Variants in SNX24 observed in about 807,000 individuals in gnomAD.
The protein encoded by SNX24 is sorting nexin 24, also known as sorting nexin-24.
SNX24 carries 22 observed loss-of-function variants against 28.7 expected under a neutral mutation model. The ratio of observed to expected loss-of-function variants is 0.77; its 90% CI spans 0.55 to 1.10. The LOEUF (loss-of-function observed/expected upper bound fraction) is 1.10. SNX24 is among the 50% of genes least tolerant of loss of function. SNX24 has a pLI of 0.00. For missense variants in SNX24, 221 were observed against 201.1 expected, an observed-to-expected ratio of 1.10 and a Z score of -0.60; for synonymous variants, 69 against 71.5, an observed-to-expected ratio of 0.96 and a Z score of 0.18.
At chr5:122,976,717 T>A (rs1388948247) in intron 3 of SNX24, among the ~76,000 whole-genome samples, 1 of 152,190 alleles carries the variant, frequency 6.6e-6, no homozygotes, top group East Asian at 1.9e-4. Context: ...TGAGCAAAGA[T>A]TACACTGCTG....
chr5:122,920,574 G>A (rs1758388695), intron 1 of SNX24, among the ~76,000 whole-genome samples: 1 of 152,154 alleles, frequency 6.6e-6, no homozygotes. Flanking sequence ...ACATGACAAA[G>A]CAATACACAG....
chr5:122,845,777 C>T lies in SNX24; in HGVS notation c.60+84C>T, dbSNP rs532227575. On this transcript the variant is annotated intron_variant, in intron 1 of 6. Coordinates refer to ENST00000261369, the MANE Select transcript of SNX24 (RefSeq NM_014035.4). ...CAGGAAACACCCTTGGCCGCCGCCG[C>T]CTTGGCGCAGGGGGTCCCCTCGTTT... 47 of 814,732 alleles carry T rather than the reference C, an allele frequency of 5.8e-5. No homozygotes were observed. In the South Asian group the frequency reaches 1.0e-3, roughly 18 times the overall value. The allele number at this position is 814,732 out of a possible 1,614,324, so 50.5% of individuals were successfully genotyped here.
At position 122,951,282 on chromosome 5, in the gene SNX24, AG is replaced by A. The variant is rs67830954; in HGVS notation, c.249+5124del. ...ACTCTGTCTCAAAAAAAAAAAAAAAAGAAAAAGAAAAGAAAATTTAAAGTCA... is the reference window on the plus strand; with the variant it reads ...ACTCTGTCTCAAAAAAAAAAAAAAAAAAAAAGAAAAGAAAATTTAAAGTCA... On this transcript the variant is annotated intron_variant, in intron 3 of 6. Transcript: ENST00000261369. Among the ~76,000 whole-genome samples, 487 of 133,890 alleles carry A rather than the reference AG, an allele frequency of 3.6e-3. 34 individuals are homozygous for A. The highest frequency in any genetic ancestry group is 7.7e-3 in the Middle Eastern group (2 of 260). 87.8% of individuals were successfully genotyped at this position (133,890 alleles called of 152,430 possible).
At chr5:122,904,111 G>A (rs1757548482) in intron 1 of SNX24, among the ~76,000 whole-genome samples, 1 of 152,076 alleles carries the variant, frequency 6.6e-6, no homozygotes, top group Admixed American at 6.5e-5. Flanking sequence ...AGCCCCTAGA[G>A]CAAGAGAAGC....
rs1462593312 is a variant in SNX24, at chr5:123,008,942, T to A, written c.*1193T>A. 1 of 985,454 alleles carries A rather than the reference T, an allele frequency of 1.0e-6. No individual in the cohort carries two copies. Among genetic ancestry groups the A allele is most frequent in the Non-Finnish European group, 1.2e-6 (1 of 829,634 alleles). 61.0% of individuals were successfully genotyped at this position (985,454 alleles called of 1,614,324 possible). A position where few individuals can be genotyped will look rare whatever the true frequency, so the allele number is the denominator to read the frequency against. The stretch of plus-strand genomic sequence containing the variant: ...CTAGCCTATTTATGGTTATTCGTTT[T>A]AGTAAGTTCTGTGGGAGCAAGGTAT... On this transcript the variant is annotated 3_prime_UTR_variant, in exon 7 of 7. Coordinates refer to ENST00000261369, the MANE Select transcript of SNX24 (RefSeq NM_014035.4).
rs540226224 is a variant in SNX24, at chr5:122,951,215, T to TGA, written c.249+5059_249+5060dup. On this transcript the variant is annotated intron_variant, in intron 3 of 6. Coordinates refer to ENST00000261369, the MANE Select transcript of SNX24 (RefSeq NM_014035.4). The stretch of plus-strand genomic sequence containing the variant: ...CCGGGAGATGGAAGTTGCAGTGAGC[T>TGA]GAGATTGCGCCACTGCACTCCAGCC... 5.2e-3 allele frequency among the ~76,000 whole-genome samples: 704 copies of TGA among 135,948 alleles called. 4 individuals are homozygous for TGA. The highest frequency in any genetic ancestry group is 7.6e-3 in the Non-Finnish European group (502 of 66,222). 89.2% of individuals were successfully genotyped at this position (135,948 alleles called of 152,430 possible). A position where few individuals can be genotyped will look rare whatever the true frequency, so the allele number is the denominator to read the frequency against.
At chr5:122,883,630 G>T (rs1756572240) in intron 1 of SNX24, among the ~76,000 whole-genome samples, 1 of 151,986 alleles carries the variant, frequency 6.6e-6, no homozygotes. Flanking sequence ...TATTACTCAG[G>T]GTTGTCACAT....
chr5:122,932,926 T>C (rs1759023620), intron 1 of SNX24, among the ~76,000 whole-genome samples: 1 of 151,632 alleles, frequency 6.6e-6, no homozygotes, highest in South Asian at 2.1e-4. Context: ...AGGACTATGT[T>C]GACAAGGATG....
chr5:123,028,781 T>G lies in SNX24; in HGVS notation n.384-457T>G, dbSNP rs574294198. The stretch of plus-strand genomic sequence containing the variant: ...AAAAATGCAAAGACGTTACCCCCAG[T>G]GCCATCTCCAGTGGTGATGTCACCT... On this transcript the variant is annotated intron_variant and non_coding_transcript_variant, in intron 5 of 5. Transcript: ENST00000502387. 42 of 1,611,316 alleles carry G rather than the reference T, an allele frequency of 2.6e-5. 1 individual carries two copies. The South Asian group carries it at 4.4e-4, about 17-fold the overall frequency.
At chr5:122,913,876 G>A (rs1258140455) in intron 1 of SNX24, among the ~76,000 whole-genome samples, 6 of 152,210 alleles carry the variant, frequency 3.9e-5, no homozygotes, top group African/African-American at 1.2e-4. Flanking sequence ...GGGAGGCCGA[G>A]GCTGGCGGAT....
chr5:122,978,904 T>C (rs1387369523), intron 3 of SNX24, among the ~76,000 whole-genome samples: 1 of 152,252 alleles, frequency 6.6e-6, no homozygotes, highest in East Asian at 1.9e-4. Flanking sequence ...AAAAGGCATA[T>C]AAACCAAAAT....
chr5:122,924,025 A>G (rs1758563463), intron 1 of SNX24, among the ~76,000 whole-genome samples: 1 of 152,216 alleles, frequency 6.6e-6, no homozygotes, highest in Admixed American at 6.5e-5. Flanking sequence ...AATGATGGCT[A>G]TTAATTGCTT....
At chr5:122,919,824 T>C (rs1445133099) in intron 1 of SNX24, among the ~76,000 whole-genome samples, 1 of 152,148 alleles carries the variant, frequency 6.6e-6, no homozygotes, top group African/African-American at 2.4e-5. Context: ...ACGGTTCACA[T>C]GCATCAGGGC....
chr5:122,886,020 C>T (rs575785426), intron 1 of SNX24, among the ~76,000 whole-genome samples: 2 of 152,110 alleles, frequency 1.3e-5, no homozygotes, highest in South Asian at 2.1e-4. Context: ...GGCCACAGAC[C>T]GTTTCCCCGC....
chr5:122,969,622 A>AC (rs1415667943), intron 3 of SNX24, among the ~76,000 whole-genome samples: 1 of 152,020 alleles, frequency 6.6e-6, no homozygotes, highest in African/African-American at 2.4e-5. Context: ...TTCTTTTTTT[A>AC]TCTCTCATAC....
chr5:122,866,364 G>C (rs1755722975), intron 1 of SNX24, among the ~76,000 whole-genome samples: 1 of 152,174 alleles, frequency 6.6e-6, no homozygotes, highest in Non-Finnish European at 1.5e-5. Context: ...GGCCAGGCTG[G>C]TCTGGAGCTC....
At chr5:122,937,717 A>C (rs1759238288) in intron 2 of SNX24, among the ~76,000 whole-genome samples, 1 of 152,136 alleles carries the variant, frequency 6.6e-6, no homozygotes, top group Non-Finnish European at 1.5e-5. Context: ...GATAATCCAC[A>C]TCTAGTTCTC....
intron 3 of SNX24, among the ~76,000 whole-genome samples, chr5:122,970,125 G>A (rs1760893591): frequency 6.7e-6 from 1 of 149,936 alleles, no homozygotes; most frequent in African/African-American, 2.5e-5. Flanking sequence ...GATCATCATG[G>A]CAGTTTTCTC....
chr5:123,019,796 C>CTATT (rs1340736901), intron 5 of SNX24, among the ~76,000 whole-genome samples: 3 of 152,188 alleles, frequency 2.0e-5, no homozygotes, highest in African/African-American at 7.2e-5. Context: ...AAACAGTGAA[C>CTATT]TATTTATTTC....
Sources: gnomAD v4.1 joint callset for allele counts (sites outside exome capture counted in the v4.1 genomes callset) on GRCh38, gnomAD v4.1.1 for gene constraint, MANE v1.5 for transcripts, NCBI Gene and HGNC (gene_info 2026-07-23, HGNC 2026-07-21) for gene names.